ADGRL3: variants seen among roughly 807,000 people sequenced by gnomAD.
ADGRL3 encodes the protein adhesion G protein-coupled receptor L3.
Under a neutral mutation model 153.5 loss-of-function variants are expected in ADGRL3, and 62 were observed. The ratio of observed to expected loss-of-function variants is 0.40; its 90% CI spans 0.33 to 0.50. The LOEUF is 0.50. Ranked by LOEUF, ADGRL3 falls within the 20% of genes least tolerant of loss-of-function variation. The pLI, the probability that ADGRL3 is intolerant of heterozygous loss-of-function variation, is 0.47. For synonymous variants in ADGRL3, 710 were observed against 672.5 expected, an observed-to-expected ratio of 1.06 and a Z score of -0.86; for missense variants, 1,641 against 1,859.4, an observed-to-expected ratio of 0.88 and a Z score of 2.16.
chr4:61,951,038 G>T (rs930430369), intron 17 of ADGRL3, among the ~76,000 whole-genome samples: 1 of 152,084 alleles, frequency 6.6e-6, no homozygotes, highest in Non-Finnish European at 1.5e-5. Flanking sequence ...GCCATGAAGG[G>T]CATAATATAA....
intron 5 of ADGRL3, among the ~76,000 whole-genome samples, chr4:61,658,131 C>T (rs1293865119): frequency 6.6e-6 from 1 of 152,134 alleles, no homozygotes; most frequent in Admixed American, 6.5e-5. Context: ...TATTCCAAAG[C>T]TGGAGCCCAC....
At chr4:61,974,548 C>A (rs1209409716) in intron 17 of ADGRL3, among the ~76,000 whole-genome samples, 1 of 152,094 alleles carries the variant, frequency 6.6e-6, no homozygotes, top group African/African-American at 2.4e-5. Flanking sequence ...TATTCACTTT[C>A]TTGCTTTCAC....
intron 5 of ADGRL3, among the ~76,000 whole-genome samples, chr4:61,613,463 G>C (rs796411536): frequency 3.9e-5 from 6 of 152,290 alleles, no homozygotes; most frequent in African/African-American, 1.4e-4. Context: ...TTAGTCCTGA[G>C]CCTGATGCAG....
chr4:61,920,594 A>T (rs1581465153), intron 13 of ADGRL3, among the ~76,000 whole-genome samples: 1 of 152,208 alleles, frequency 6.6e-6, no homozygotes, highest in Admixed American at 6.5e-5. Context: ...CAGATGAGGC[A>T]GTCCAAGATT....
intron 25 of ADGRL3, among the ~76,000 whole-genome samples, chr4:62,063,046 TTTAC>T (rs1204334382): frequency 1.3e-5 from 2 of 152,242 alleles, no homozygotes; most frequent in South Asian, 4.1e-4. Flanking sequence ...TTTATCCTTT[TTTAC>T]TTTCATTGGA....
intron 2 of ADGRL3, among the ~76,000 whole-genome samples, chr4:61,495,052 A>G (rs921564412): frequency 6.6e-6 from 1 of 152,182 alleles, no homozygotes; most frequent in Non-Finnish European, 1.5e-5. Flanking sequence ...ATTAAGTAAT[A>G]TCACCCTACC....
intron 5 of ADGRL3, among the ~76,000 whole-genome samples, chr4:61,620,767 A>G (rs140245159): frequency 6.7e-6 from 1 of 150,202 alleles, no homozygotes; most frequent in Admixed American, 6.7e-5. Flanking sequence ...CAGCCTCCCA[A>G]GTAGCTGGGA....
intron 2 of ADGRL3, among the ~76,000 whole-genome samples, chr4:61,424,855 T>C (rs1480066176): frequency 6.6e-6 from 1 of 151,988 alleles, no homozygotes; most frequent in Non-Finnish European, 1.5e-5. Context: ...AGCTAAGGGG[T>C]AGAGCCACCA....
chr4:61,830,948 G>A (rs2097861255), intron 9 of ADGRL3, among the ~76,000 whole-genome samples: 1 of 152,018 alleles, frequency 6.6e-6, no homozygotes, highest in Non-Finnish European at 1.5e-5. Context: ...GAGTGCAGTG[G>A]CGCCATCTTG....
intron 1 of ADGRL3, among the ~76,000 whole-genome samples, chr4:61,283,493 G>A (rs1006040940): frequency 9.2e-5 from 14 of 151,818 alleles, no homozygotes; most frequent in African/African-American, 3.4e-4. Context: ...GATGACATTA[G>A]TGAGATTTGC....
chr4:61,234,448 A>C (rs552261391), intron 1 of ADGRL3, among the ~76,000 whole-genome samples: 2 of 152,244 alleles, frequency 1.3e-5, no homozygotes, highest in South Asian at 4.1e-4. Flanking sequence ...GGTAGATACA[A>C]TTCAAGTTGA....
intron 2 of ADGRL3, among the ~76,000 whole-genome samples, chr4:61,486,794 T>C (rs527451583): frequency 6.6e-6 from 1 of 152,308 alleles, no homozygotes; most frequent in East Asian, 1.9e-4. Context: ...TGCTGTAACT[T>C]AAAAAGCACA....
In ADGRL3 at chr4:61,947,141, A is replaced by G; in HGVS notation, c.2628+19A>G. The stretch of plus-strand genomic sequence containing the variant: ...TATCAAGGTAAGAAAATGGCATATT[A>G]GCTTGGTTGTTCATATTATCTGTAT... On this transcript the variant is annotated intron_variant, in intron 16 of 26. Coordinates refer to ENST00000683033, the MANE Select transcript of ADGRL3 (RefSeq NM_001387552.1). The G allele has an allele frequency of 6.3e-7, 1 of 1,582,290 alleles. No individual in the cohort carries two copies. The highest frequency in any genetic ancestry group is 8.7e-7 in the Non-Finnish European group (1 of 1,151,718).
rs541223061 is a variant in ADGRL3 at position 62,030,524 on chromosome 4, A to G, written c.3423-918A>G. On this transcript the variant is annotated intron_variant, in intron 22 of 26. Transcript: ENST00000683033. ...AACATTTTATCTTGATATTCAATAC[A>G]TAACTTAACCACAAATATATGAATT... 4.6e-4 allele frequency among the ~76,000 whole-genome samples: 70 copies of G among 151,708 alleles called. 1 individual carries two copies. Among genetic ancestry groups the G allele is most frequent in the Middle Eastern group, 6.8e-3 (2 of 294 alleles).
intron 5 of ADGRL3, among the ~76,000 whole-genome samples, chr4:61,607,524 C>T (rs1387688456): frequency 6.6e-6 from 1 of 152,118 alleles, no homozygotes; most frequent in Admixed American, 6.6e-5. Flanking sequence ...CACTTGAACC[C>T]AGGAGGCGGA....
rs934854172 is a variant in ADGRL3 at position 62,073,932 on chromosome 4, G to A, written c.*3024G>A. 1 of 151,856 alleles carries A rather than the reference G, an allele frequency of 6.6e-6. No homozygotes were observed. The highest frequency in any genetic ancestry group is 1.5e-5 in the Non-Finnish European group (1 of 67,942). 9.4% of individuals were successfully genotyped at this position (151,856 alleles called of 1,614,324 possible). ...ACCGTAATTAAAAAAAATGGATAAA[G>A]GAGCTAATTTTACATACATTTCAAT... On this transcript the variant is annotated 3_prime_UTR_variant, in exon 27 of 27. Coordinates refer to ENST00000683033, the MANE Select transcript of ADGRL3 (RefSeq NM_001387552.1).
chr4:61,986,868 A>G (rs565100364), intron 19 of ADGRL3, among the ~76,000 whole-genome samples: 2 of 152,268 alleles, frequency 1.3e-5, no homozygotes, highest in African/African-American at 2.4e-5. Context: ...ACATCTATAC[A>G]GTGCTGTTTT....
chr4:61,587,382 G>A lies in ADGRL3; in HGVS notation c.415G>A (p.Ala139Thr). The change falls in exon 5 of 27, where the codon GCT (alanine) becomes ACT (threonine). Residue 139 changes from alanine (A) to threonine (T), a missense_variant. This residue lies in a region of ADGRL3 where 213 missense variants were observed against 362.1 expected (regional missense o/e 0.59). Coordinates refer to ENST00000683033, the MANE Select transcript of ADGRL3 (RefSeq NM_001387552.1). ...TDDKICDSDP[A>T]QMENIRCYLP... ...TGACAAAATTTGTGACTCTGACCCTGCTCAGATGGAGAATATCCGATGTTA... is the reference window on the plus strand; with the variant it reads ...TGACAAAATTTGTGACTCTGACCCTACTCAGATGGAGAATATCCGATGTTA... The A allele has an allele frequency of 1.2e-6, 2 of 1,612,514 alleles. No individual in the cohort carries two copies. Among genetic ancestry groups the A allele is most frequent in the Non-Finnish European group, 1.7e-6 (2 of 1,179,094 alleles).
At chr4:62,041,749 T>C (rs1443972076) in intron 24 of ADGRL3, among the ~76,000 whole-genome samples, 1 of 152,146 alleles carries the variant, frequency 6.6e-6, no homozygotes, top group Non-Finnish European at 1.5e-5. Flanking sequence ...GGTTTTTCAC[T>C]CCCATATTCT....
Sources: allele counts gnomAD v4.1 joint callset (sites outside exome capture counted in the v4.1 genomes callset), GRCh38; gene constraint gnomAD v4.1.1; regional missense constraint gnomAD v4.1.1; transcripts MANE v1.5; gene names NCBI Gene and HGNC (gene_info 2026-07-23, HGNC 2026-07-21).